Variants in DNAH11 observed in about 807,000 individuals in gnomAD.
The protein encoded by DNAH11 is axonemal beta dynein heavy chain 11.
A neutral mutation model predicts 526.0 loss-of-function variants in DNAH11; 442 were observed. The observed-to-expected ratio is 0.84, with a 90% confidence interval of 0.78 to 0.91. The LOEUF is 0.91. Among genes scored for constraint, DNAH11 ranks in the 40% least tolerant of loss-of-function variants. DNAH11 has a pLI of 0.00. For synonymous variants in DNAH11, 2,461 were observed against 1,935.9 expected, an observed-to-expected ratio of 1.27 and a Z score of -7.12; for missense variants, 6,989 against 5,448.7, an observed-to-expected ratio of 1.28 and a Z score of -8.90.
At chr7:21,569,856 T>C (rs1783814970) in intron 6 of DNAH11, among the ~76,000 whole-genome samples, 1 of 152,136 alleles carries the variant, frequency 6.6e-6, no homozygotes, top group Non-Finnish European at 1.5e-5. Context: ...AATCCAGAAA[T>C]AGTAGGGTCT....
In DNAH11 at chr7:21,880,815, C is replaced by T. The variant is rs1307117555; in HGVS notation, c.12309C>T (p.Ser4103=). The change falls in exon 75 of 82, where the codon AGC becomes AGT. Residue 4103 remains serine, a synonymous_variant. Transcript: ENST00000409508. ...TGAGGTTTGGCCCCCAGGGCTGGAG[C>T]CGAAGCTATCCTTTTAATCCTGGAG... The part of the protein sequence containing the change: ...GRLRFGPQGW[S]RSYPFNPGDL... The T allele has an allele frequency of 4.3e-6, 7 of 1,613,992 alleles. No individual in the cohort carries two copies. Among genetic ancestry groups the T allele is most frequent in the Non-Finnish European group, 5.9e-6 (7 of 1,179,890 alleles).
chr7:21,848,494 T>TACTTGTTTC (rs1782505658), intron 66 of DNAH11, among the ~76,000 whole-genome samples: 2 of 152,150 alleles, frequency 1.3e-5, no homozygotes, highest in East Asian at 3.8e-4. Context: ...TTGGGTTTTA[T>TACTTGTTTC]TCATTATACT....
At chr7:21,657,380 A>G (rs946636707) in intron 29 of DNAH11, among the ~76,000 whole-genome samples, 1 of 152,134 alleles carries the variant, frequency 6.6e-6, no homozygotes, top group Non-Finnish European at 1.5e-5. Context: ...AATTGTTGTT[A>G]TAGGGGGTTG....
chr7:21,589,500 A>C, intron 12 of DNAH11, 97 bp downstream of exon 12: 1 of 1,087,498 alleles, frequency 9.2e-7, no homozygotes, highest in Non-Finnish European at 1.3e-6. Flanking sequence ...ATTTGGGAAA[A>C]TGTCAGAGTT....
rs373372239 is a variant in DNAH11, at chr7:21,639,063, C to G, written c.4942C>G (p.Gln1648Glu). 5.0e-6 allele frequency: 8 copies of G among 1,608,466 alleles called. No individual in the cohort carries two copies. The highest frequency in any genetic ancestry group is 1.1e-5 in the South Asian group (1 of 89,620). The change falls in exon 28 of 82, where the codon CAG (glutamine) becomes GAG (glutamate). Residue 1648 changes from glutamine (Q) to glutamate (E), a missense_variant and splice_region_variant. Gln to Glu is a conservative substitution (Grantham distance 29). Transcript: ENST00000409508. ...TCTCTCAAAAGGAGCTCAGCCTAAACAGGTAATATTTTTTTTGAAAGTCTC... is the reference window on the plus strand; with the variant it reads ...TCTCTCAAAAGGAGCTCAGCCTAAAGAGGTAATATTTTTTTTGAAAGTCTC... ...DILSKGAQPK[Q>E]VTCHLAKLFD...
At chr7:21,574,098 TC>T (rs1454976832) in intron 8 of DNAH11, among the ~76,000 whole-genome samples, 1 of 152,222 alleles carries the variant, frequency 6.6e-6, no homozygotes, top group African/African-American at 2.4e-5. Context: ...TTAGGTGTTT[TC>T]TTTGACATCT....
chr7:21,796,522 A>G (rs1788719890), intron 61 of DNAH11, among the ~76,000 whole-genome samples: 1 of 152,220 alleles, frequency 6.6e-6, no homozygotes, highest in South Asian at 2.1e-4. Flanking sequence ...TGGGTACAGA[A>G]TGATGATATC....
chr7:21,891,880 TATC>T (rs1264351758), intron 76 of DNAH11, among the ~76,000 whole-genome samples: 1 of 152,146 alleles, frequency 6.6e-6, no homozygotes, highest in African/African-American at 2.4e-5. Flanking sequence ...TAAATGCACA[TATC>T]ATTATTTATA....
Position 21,900,077 on chromosome 7 carries a change from C to G in DNAH11, c.13260C>G (p.His4420Gln), listed in dbSNP as rs1463650489. Reference sequence around the variant, plus strand: ...AAAAAACAAAGGAAGATTATGGACACCCGCCAAGGGAAGGTGCATACCTCC... The same window carrying G: ...AAAAAACAAAGGAAGATTATGGACAGCCGCCAAGGGAAGGTGCATACCTCC... The part of the protein sequence containing the change: ...VTKKTKEDYG[H>Q]PPREGAYLHG... Residue 4420 changes from histidine to glutamine, a missense_variant, in exon 81 of 82, where the codon CAC becomes CAG. By Grantham distance (24) the His-to-Gln change is conservative. Coordinates refer to ENST00000409508, the MANE Select transcript of DNAH11 (RefSeq NM_001277115.2). 1.2e-6 allele frequency: 2 copies of G among 1,613,746 alleles called. No individual in the cohort carries two copies. The highest frequency in any genetic ancestry group is 1.3e-5 in the African/African-American group (1 of 74,912).
intron 25 of DNAH11, among the ~76,000 whole-genome samples, chr7:21,624,717 A>G (rs551651243): frequency 1.3e-5 from 2 of 152,144 alleles, no homozygotes; most frequent in Non-Finnish European, 2.9e-5. Context: ...GCTGAAGTAC[A>G]TTCTTTATAT....
At chr7:21,651,941 C>T (rs1343169798) in intron 28 of DNAH11, among the ~76,000 whole-genome samples, 1 of 152,238 alleles carries the variant, frequency 6.6e-6, no homozygotes, top group East Asian at 1.9e-4. Flanking sequence ...TTACTCACTT[C>T]ACACACAGAC....
intron 62 of DNAH11, among the ~76,000 whole-genome samples, chr7:21,804,550 A>T (rs956834738): frequency 1.2e-4 from 19 of 152,156 alleles, no homozygotes; most frequent in African/African-American, 4.3e-4. Context: ...TCTCCATTCC[A>T]TCTCAATAAC....
In DNAH11 at chr7:21,744,421, C is replaced by G. The variant is rs1786052678; in HGVS notation, c.8155-17C>G. 1 of 1,609,728 alleles carries G rather than the reference C, an allele frequency of 6.2e-7. No homozygotes were observed. The highest frequency in any genetic ancestry group is 8.5e-7 in the Non-Finnish European group (1 of 1,178,550). The stretch of plus-strand genomic sequence containing the variant: ...AGCCTCTGAATTAAAGGTATTTTCC[C>G]CATTCTTGCCTTGTAGGGGATTTTA... On this transcript the variant is annotated splice_polypyrimidine_tract_variant and intron_variant, in intron 49 of 81. Coordinates refer to ENST00000409508, the MANE Select transcript of DNAH11 (RefSeq NM_001277115.2).
intron 59 of DNAH11, 105 bp downstream of exon 59, chr7:21,786,872 T>A (rs1419996030): frequency 6.9e-7 from 1 of 1,449,966 alleles, no homozygotes; most frequent in African/African-American, 1.4e-5. Flanking sequence ...GAAGAAATCA[T>A]CTTCATAGTT....
At chr7:21,697,911 T>G (rs553062159) in intron 35 of DNAH11, among the ~76,000 whole-genome samples, 164 bp from the exon 36 acceptor site, 1 of 152,198 alleles carries the variant, frequency 6.6e-6, no homozygotes, top group Non-Finnish European at 1.5e-5. Flanking sequence ...GAGTGGACAT[T>G]TTTTTAGTTG....
At chr7:21,596,637 T>C (rs1198304132) in intron 14 of DNAH11, among the ~76,000 whole-genome samples, 1 of 152,186 alleles carries the variant, frequency 6.6e-6, no homozygotes, top group African/African-American at 2.4e-5. Flanking sequence ...CATTAAGATA[T>C]GAATCCTGAT....
intron 69 of DNAH11, 85 bp from the exon 70 acceptor site, chr7:21,864,450 C>G (rs577789424): frequency 7.2e-7 from 1 of 1,393,344 alleles, no homozygotes; most frequent in South Asian, 1.5e-5. Context: ...CCTACTCAGT[C>G]ATGTCTGTTA....
chr7:21,809,531 TTTTTGGTTTTTG>T (rs1463983738), intron 63 of DNAH11, among the ~76,000 whole-genome samples: 1 of 152,068 alleles, frequency 6.6e-6, no homozygotes. Flanking sequence ...TTTGATTTGA[TTTTTGGTTTTTG>T]TTTTGTTTTT....
At chr7:21,817,548 C>A (rs906779972) in intron 64 of DNAH11, among the ~76,000 whole-genome samples, 3 of 147,210 alleles carry the variant, frequency 2.0e-5, no homozygotes, top group African/African-American at 7.5e-5. Context: ...AAAAAAGTTG[C>A]CAGGTATGGT....
Sources: gnomAD v4.1 joint callset for allele counts (sites outside exome capture counted in the v4.1 genomes callset) on GRCh38, gnomAD v4.1.1 for gene constraint, MANE v1.5 for transcripts, NCBI Gene and HGNC (gene_info 2026-07-23, HGNC 2026-07-21) for gene names.